The following GNAQ variants were observed in gnomAD, a reference collection of about 807,000 sequenced individuals.
GNAQ encodes the protein G protein subunit alpha q.
In GNAQ, 8 loss-of-function variants were observed where a neutral mutation model predicts 43.9. The ratio of observed to expected loss-of-function variants is 0.18; its 90% CI spans 0.11 to 0.33. GNAQ has a LOEUF of 0.33. Ranked by LOEUF, GNAQ falls within the 10% of genes least tolerant of loss-of-function variation. The pLI is 1.00. For synonymous variants in GNAQ, 155 were observed against 170.7 expected (o/e 0.91, Z 0.71); for missense variants, 158 against 450.8 (o/e 0.35, Z 5.88).
At chr9:77,972,890 T>A (rs999783224) in intron 1 of GNAQ, among the ~76,000 whole-genome samples, 1 of 151,052 alleles carries the variant, frequency 6.6e-6, no homozygotes, top group Non-Finnish European at 1.5e-5. Flanking sequence ...GTGGTGGAGT[T>A]TGCAGTGAGC....
At position 77,874,188 on chromosome 9, in the gene GNAQ, A is replaced by G. The variant is rs997668931; in HGVS notation, c.321+47973T>C. Among the ~76,000 whole-genome samples, 11 of 152,242 alleles carry G rather than the reference A, an allele frequency of 7.2e-5. No individual in the cohort carries two copies. In the South Asian group the frequency reaches 1.2e-3, roughly 17 times the overall value. Reference sequence around the variant, plus strand: ...AAAGCCTTCTTGTCATTCCTTTTTCATAAGTACAGAACACAGGTAGTCTGT... The same window carrying G: ...AAAGCCTTCTTGTCATTCCTTTTTCGTAAGTACAGAACACAGGTAGTCTGT... On this transcript the variant is annotated intron_variant, in intron 2 of 6. Transcript: ENST00000286548.
intron 1 of GNAQ, among the ~76,000 whole-genome samples, chr9:78,014,712 C>T (rs1823815738): frequency 6.6e-6 from 1 of 152,104 alleles, no homozygotes; most frequent in African/African-American, 2.4e-5. Context: ...ATATTAATAA[C>T]GATGCTGAGT....
intron 2 of GNAQ, among the ~76,000 whole-genome samples, chr9:77,846,658 C>G (rs1168460968): frequency 6.6e-6 from 1 of 152,106 alleles, no homozygotes; most frequent in East Asian, 1.9e-4. Context: ...GGAGAAAATG[C>G]AGCAGAGAGT....
At chr9:77,981,366 T>A (rs939279448) in intron 1 of GNAQ, among the ~76,000 whole-genome samples, 6 of 152,336 alleles carry the variant, frequency 3.9e-5, no homozygotes, top group African/African-American at 1.4e-4. Context: ...TTCAACTGTT[T>A]AGGAAATTCA....
chr9:77,886,518 T>C (rs118025353), intron 2 of GNAQ, among the ~76,000 whole-genome samples: 2,280 of 152,208 alleles, frequency 0.015, 21 homozygotes, highest in Non-Finnish European at 0.024. Context: ...GAGCTTTGAA[T>C]TTTTTAAAAA....
chr9:77,760,875 G>A (rs1825993162), intron 5 of GNAQ, among the ~76,000 whole-genome samples: 1 of 148,714 alleles, frequency 6.7e-6, no homozygotes, highest in Non-Finnish European at 1.5e-5. Flanking sequence ...TCTGGGATGT[G>A]AGGAGTGCCT....
intron 2 of GNAQ, among the ~76,000 whole-genome samples, chr9:77,917,120 A>T (rs1383414069): frequency 1.3e-5 from 2 of 152,186 alleles, no homozygotes; most frequent in African/African-American, 4.8e-5. Context: ...AATCTGAGAA[A>T]ATAAGGCAAA....
At chr9:77,948,357 C>T (rs1407156637) in intron 1 of GNAQ, among the ~76,000 whole-genome samples, 1 of 152,190 alleles carries the variant, frequency 6.6e-6, no homozygotes, top group Non-Finnish European at 1.5e-5. Flanking sequence ...GGCTCACTAT[C>T]CCAACACAGG....
intron 2 of GNAQ, among the ~76,000 whole-genome samples, chr9:77,819,616 C>T (rs1827080291): frequency 6.6e-6 from 1 of 152,002 alleles, no homozygotes; most frequent in African/African-American, 2.4e-5. Flanking sequence ...AAGGGATGCC[C>T]AACACACACA....
chr9:77,861,650 C>G (rs1190999261), intron 2 of GNAQ, among the ~76,000 whole-genome samples: 1 of 152,148 alleles, frequency 6.6e-6, no homozygotes, highest in Non-Finnish European at 1.5e-5. Flanking sequence ...GCAGTCAAAT[C>G]TTAAAGGTCC....
intron 5 of GNAQ, among the ~76,000 whole-genome samples, chr9:77,768,514 T>C (rs1384186048): frequency 6.6e-6 from 1 of 152,206 alleles, no homozygotes; most frequent in African/African-American, 2.4e-5. Context: ...CTTGAAAGCA[T>C]GGGTTCAAAG....
At chr9:78,027,548 C>A (rs1340308169) in intron 1 of GNAQ, among the ~76,000 whole-genome samples, 2 of 151,848 alleles carry the variant, frequency 1.3e-5, no homozygotes, top group Non-Finnish European at 2.9e-5. Context: ...ACTGGCCTGT[C>A]GCGACCAGCC....
At chr9:77,907,038 T>C (rs1828720956) in intron 2 of GNAQ, among the ~76,000 whole-genome samples, 1 of 152,220 alleles carries the variant, frequency 6.6e-6, no homozygotes, top group African/African-American at 2.4e-5. Context: ...ATTTATAAAA[T>C]GTTTTTCTAT....
In GNAQ at chr9:77,734,147, G is replaced by A. The variant is rs191553642; in HGVS notation, c.736-5480C>T. Among the ~76,000 whole-genome samples the A allele has an allele frequency of 4.9e-4, 74 of 152,262 alleles. 1 individual carries two copies. Among genetic ancestry groups the A allele is most frequent in the Admixed American group, 2.7e-3 (41 of 15,302 alleles). On this transcript the variant is annotated intron_variant, in intron 5 of 6. Transcript: ENST00000286548. ...TTCCTTATCCCCCTCCACCATATTG[G>A]TGCTTCCCTCTGTCAAAAGTCAGCA...
At chr9:78,000,203 T>C (rs1823626775) in intron 1 of GNAQ, among the ~76,000 whole-genome samples, 1 of 152,198 alleles carries the variant, frequency 6.6e-6, no homozygotes, top group Non-Finnish European at 1.5e-5. Flanking sequence ...CAATTTTTTT[T>C]CCTGAATTTA....
chr9:77,972,022 G>A (rs1285047043), intron 1 of GNAQ, among the ~76,000 whole-genome samples: 2 of 152,152 alleles, frequency 1.3e-5, no homozygotes, highest in African/African-American at 2.4e-5. Context: ...AGACTTTGGT[G>A]AAGTTGCTTA....
At chr9:77,819,259 G>A (rs919553962) in intron 2 of GNAQ, among the ~76,000 whole-genome samples, 1 of 152,024 alleles carries the variant, frequency 6.6e-6, no homozygotes, top group Non-Finnish European at 1.5e-5. Context: ...CATGGAAACC[G>A]CAAGATGTGC....
intron 5 of GNAQ, among the ~76,000 whole-genome samples, chr9:77,747,541 A>T (rs1180784768): frequency 6.6e-6 from 1 of 152,218 alleles, no homozygotes; most frequent in Non-Finnish European, 1.5e-5. Context: ...ATTTTCATAA[A>T]CATCAGTTTA....
intron 5 of GNAQ, among the ~76,000 whole-genome samples, chr9:77,766,821 A>C (rs1407568764): frequency 6.6e-6 from 1 of 152,160 alleles, no homozygotes; most frequent in African/African-American, 2.4e-5. Context: ...TTCTGAGTGA[A>C]TGCCCTTTGC....
Sources: gnomAD v4.1 joint callset for allele counts (sites outside exome capture counted in the v4.1 genomes callset) on GRCh38, gnomAD v4.1.1 for gene constraint, MANE v1.5 for transcripts, NCBI Gene and HGNC (gene_info 2026-07-23, HGNC 2026-07-21) for gene names.